The following CCDC178 variants were observed in gnomAD, a reference collection of about 807,000 sequenced individuals.
CCDC178 encodes coiled-coil domain containing 178.
In CCDC178, 126 loss-of-function variants were observed where a neutral mutation model predicts 117.4. The observed-to-expected ratio is 1.07, with a 90% CI of 0.93 to 1.24. The LOEUF (loss-of-function observed/expected upper bound fraction) is 1.24. Ranked by LOEUF, CCDC178 falls within the 50% of genes most tolerant of loss-of-function variation. CCDC178 has a pLI of 0.00. For missense variants in CCDC178, 1,030 were observed against 986.9 expected, an observed-to-expected ratio of 1.04 and a Z score of -0.59; for synonymous variants, 283 against 313.4, an observed-to-expected ratio of 0.90 and a Z score of 1.02.
At chr18:33,073,520 T>TATC in intron 21 of CCDC178, among the ~76,000 whole-genome samples, 1 of 147,350 alleles carries the variant, frequency 6.8e-6, no homozygotes, top group East Asian at 2.0e-4. Context: ...TCTATCTATC[T>TATC]ATCTATCTAT....
intron 20 of CCDC178, among the ~76,000 whole-genome samples, chr18:33,175,868 G>A (rs2058658915): frequency 6.6e-6 from 1 of 152,014 alleles, no homozygotes; most frequent in African/African-American, 2.4e-5. Flanking sequence ...TTCTACAACT[G>A]CCTTCCATCC....
At chr18:33,050,537 G>A (rs916979087) in intron 21 of CCDC178, among the ~76,000 whole-genome samples, 1 of 152,160 alleles carries the variant, frequency 6.6e-6, no homozygotes. Context: ...AAGTAGAAAA[G>A]TAGAGCAAGC....
Position 33,260,119 on chromosome 18 carries a change from C to T in CCDC178, c.1409+6797G>A, listed in dbSNP as rs146770547. Among the ~76,000 whole-genome samples the T allele has an allele frequency of 2.4e-3, 365 of 152,048 alleles. 3 individuals carry two copies. In the East Asian group the frequency reaches 0.047, roughly 19 times the overall value. On this transcript the variant is annotated intron_variant, in intron 14 of 22. Coordinates refer to ENST00000383096, the MANE Select transcript of CCDC178 (RefSeq NM_001105528.4). Reference sequence around the variant, plus strand: ...AGTGTGCTCTCTCAGTCACTACCACCCAATAGGAACTGCTATCCTGACTCC... The same window carrying T: ...AGTGTGCTCTCTCAGTCACTACCACTCAATAGGAACTGCTATCCTGACTCC...
At chr18:33,326,935 C>A (rs2062592861) in intron 10 of CCDC178, among the ~76,000 whole-genome samples, 1 of 152,024 alleles carries the variant, frequency 6.6e-6, no homozygotes, top group South Asian at 2.1e-4. Flanking sequence ...AATGCAGCAG[C>A]ATTTACTAAA....
intron 20 of CCDC178, among the ~76,000 whole-genome samples, chr18:33,118,013 AC>A (rs2057882882): frequency 6.6e-6 from 1 of 152,010 alleles, no homozygotes; most frequent in South Asian, 2.1e-4. Context: ...CAGCAGAGTA[AC>A]CCCTGTCTGA....
At chr18:33,199,690 C>T (rs138128064) in intron 20 of CCDC178, among the ~76,000 whole-genome samples, 4 of 152,248 alleles carry the variant, frequency 2.6e-5, no homozygotes, top group Non-Finnish European at 5.9e-5. Flanking sequence ...CATAATCACC[C>T]AACCAGGGCT....
chr18:33,138,595 G>A (rs1363415362), intron 20 of CCDC178, among the ~76,000 whole-genome samples: 1 of 152,164 alleles, frequency 6.6e-6, no homozygotes, highest in Non-Finnish European at 1.5e-5. Flanking sequence ...AAGAAGATCA[G>A]CTTTAAAAAA....
chr18:33,103,858 T>C lies in CCDC178; in HGVS notation c.2239-10948A>G, dbSNP rs187322768. 2.7e-3 allele frequency among the ~76,000 whole-genome samples: 411 copies of C among 151,850 alleles called. 6 individuals are homozygous for C. The highest frequency in any genetic ancestry group is 1.7e-3 in the Non-Finnish European group (115 of 67,828). On this transcript the variant is annotated intron_variant, in intron 20 of 22. Transcript: ENST00000383096. ...CTAAAGTTTAATTTCATGGGCAGCATAGGTGTCCATTCATTTGTAGAATGG... is the reference window on the plus strand; with the variant it reads ...CTAAAGTTTAATTTCATGGGCAGCACAGGTGTCCATTCATTTGTAGAATGG...
In CCDC178 at chr18:33,267,293, TC is replaced by T; in HGVS notation, c.1180del (p.Glu394LysfsTer3). ...NELHSLSKML[E>X]DLRRVYDQLT... ...TTGGTCATAAACTCTTCTCAAATCT[TC>T]CAGCTAAGAAAGAAGATATACAGAA... On this transcript the variant is annotated frameshift_variant, in exon 13 of 23. Coordinates refer to ENST00000383096, the MANE Select transcript of CCDC178 (RefSeq NM_001105528.4). LOFTEE classifies it high-confidence loss of function. 6.3e-7 allele frequency: 1 copy of T among 1,582,886 alleles called. No individual in the cohort carries two copies. Among genetic ancestry groups the T allele is most frequent in the Non-Finnish European group, 8.6e-7 (1 of 1,165,408 alleles).
chr18:33,121,274 G>C (rs896470293), intron 20 of CCDC178, among the ~76,000 whole-genome samples: 2 of 152,104 alleles, frequency 1.3e-5, no homozygotes, highest in East Asian at 1.9e-4. Flanking sequence ...GACAGATACA[G>C]ACATAGACAG....
intron 15 of CCDC178, among the ~76,000 whole-genome samples, chr18:33,228,811 G>A (rs1337487554): frequency 1.3e-5 from 2 of 152,178 alleles, no homozygotes; most frequent in Non-Finnish European, 2.9e-5. Context: ...AGATGCTCAA[G>A]GCCTTCCTAT....
intron 20 of CCDC178, among the ~76,000 whole-genome samples, chr18:33,200,483 A>G (rs2058979300): frequency 6.6e-6 from 1 of 152,222 alleles, no homozygotes; most frequent in Non-Finnish European, 1.5e-5. Context: ...CAAACTCCTT[A>G]GTATGACATT....
intron 11 of CCDC178, among the ~76,000 whole-genome samples, chr18:33,310,491 C>T (rs2062325503): frequency 6.6e-6 from 1 of 151,948 alleles, no homozygotes; most frequent in Admixed American, 6.6e-5. Context: ...AGTTTGAGAT[C>T]AACCTGGGAA....
intron 14 of CCDC178, among the ~76,000 whole-genome samples, chr18:33,253,486 G>A (rs2059640566): frequency 6.6e-6 from 1 of 151,758 alleles, no homozygotes; most frequent in East Asian, 1.9e-4. Flanking sequence ...ATTAAATTAT[G>A]TTTGGACTTA....
chr18:33,375,613 C>T (rs1568185245), intron 5 of CCDC178, among the ~76,000 whole-genome samples: 3 of 152,004 alleles, frequency 2.0e-5, no homozygotes, highest in African/African-American at 7.3e-5. Context: ...ATTAAAATGC[C>T]AAAGCAGAAA....
At chr18:33,211,393 G>A (rs271548) in intron 20 of CCDC178, among the ~76,000 whole-genome samples, 24,403 of 151,596 alleles carry the variant, frequency 0.16, 2,739 homozygotes, top group African/African-American at 0.32. Flanking sequence ...ATTAATAAAA[G>A]TTCAGGCCTA....
At chr18:33,078,532 C>T (rs2057247550) in intron 21 of CCDC178, among the ~76,000 whole-genome samples, 1 of 152,144 alleles carries the variant, frequency 6.6e-6, no homozygotes. Context: ...TTTAGGAAAC[C>T]CCGTAGTCTT....
At chr18:33,156,082 C>CTTTTTTTTTTTTTTTTTTTT in intron 20 of CCDC178, among the ~76,000 whole-genome samples, 1 of 98,038 alleles carries the variant, frequency 1.0e-5, no homozygotes, top group Non-Finnish European at 1.9e-5. Context: ...CTAGAAAACA[C>CTTTTTTTTTTTTTTTTTTTT]TTTTTTTTTT....
intron 20 of CCDC178, among the ~76,000 whole-genome samples, chr18:33,111,641 C>T (rs948884837): frequency 1.3e-5 from 2 of 151,592 alleles, no homozygotes; most frequent in African/African-American, 4.8e-5. Flanking sequence ...AATAACCATT[C>T]ATTTAAACAC....
Sources: allele counts gnomAD v4.1 joint callset (sites outside exome capture counted in the v4.1 genomes callset), GRCh38; gene constraint gnomAD v4.1.1; transcripts MANE v1.5; gene names NCBI Gene and HGNC (gene_info 2026-07-23, HGNC 2026-07-21).